Variants in PRKD3 observed in about 807,000 individuals in gnomAD.
The protein encoded by PRKD3 is protein kinase D3.
PRKD3 carries 47 observed loss-of-function variants against 99.2 expected under a neutral mutation model. That is an observed-to-expected ratio of 0.47 (90% CI 0.38 to 0.60). The LOEUF (loss-of-function observed/expected upper bound fraction) is 0.60, where lower values mean the gene tolerates loss of function less well. PRKD3 is among the 20% of genes least tolerant of loss of function. The probability of loss-of-function intolerance (pLI) is 0.00; values close to 1 mark genes in which losing one functional copy is unlikely to be tolerated. For missense variants in PRKD3, 1,019 were observed against 1,088.4 expected, an observed-to-expected ratio of 0.94 and a Z score of 0.90; for synonymous variants, 392 against 355.4, an observed-to-expected ratio of 1.10 and a Z score of -1.16.
At chr2:37,319,603 G>A (rs1671790695) in intron 1 of PRKD3, among the ~76,000 whole-genome samples, 2 of 152,116 alleles carry the variant, frequency 1.3e-5, no homozygotes, top group South Asian at 4.1e-4. Flanking sequence ...AATTCAAACT[G>A]CTAATATAAT....
chr2:37,261,891 T>G (rs527696867), intron 14 of PRKD3, among the ~76,000 whole-genome samples: 1 of 152,226 alleles, frequency 6.6e-6, no homozygotes, highest in Non-Finnish European at 1.5e-5. Context: ...AAAACGTATT[T>G]TGAATACCTG....
chr2:37,256,625 A>G, intron 17 of PRKD3, 37 bp downstream of exon 17: 1 of 1,339,332 alleles, frequency 7.5e-7, no homozygotes, highest in South Asian at 1.5e-5. Context: ...ACACATAGCC[A>G]AAATTTTTTT....
chr2:37,269,593 G>A (rs1453782745), intron 13 of PRKD3, 22 bp downstream of exon 13: 2 of 1,585,430 alleles, frequency 1.3e-6, no homozygotes, highest in Admixed American at 3.3e-5. Flanking sequence ...TGTACAATAT[G>A]CAAACGGCTG....
chr2:37,318,280 T>G (rs1296788619), intron 1 of PRKD3, among the ~76,000 whole-genome samples: 9 of 152,212 alleles, frequency 5.9e-5, no homozygotes. Context: ...TTCAAGTAAA[T>G]GATCATTATT....
Position 37,255,003 on chromosome 2 carries a change from T to C in PRKD3, c.2414-714A>G, listed in dbSNP as rs80094039. Among the ~76,000 whole-genome samples, 766 of 152,306 alleles carry C rather than the reference T, an allele frequency of 5.0e-3. 4 individuals are homozygous for C. The highest frequency in any genetic ancestry group is 6.6e-3 in the Admixed American group (101 of 15,302). ...GCCCTATATAATGGTACATTTGAAATATTGGTAACAAAAGGCTAGACCCAG... is the reference window on the plus strand; with the variant it reads ...GCCCTATATAATGGTACATTTGAAACATTGGTAACAAAAGGCTAGACCCAG... On this transcript the variant is annotated intron_variant, in intron 17 of 18. Transcript: ENST00000234179.
At chr2:37,300,683 A>G (rs1343504025) in intron 2 of PRKD3, among the ~76,000 whole-genome samples, 3 of 152,206 alleles carry the variant, frequency 2.0e-5, no homozygotes, top group Non-Finnish European at 4.4e-5. Flanking sequence ...AATAGAAATA[A>G]AAGAGATTAG....
At chr2:37,261,689 A>G (rs928288513) in intron 14 of PRKD3, among the ~76,000 whole-genome samples, 2 of 152,208 alleles carry the variant, frequency 1.3e-5, no homozygotes, top group Non-Finnish European at 1.5e-5. Flanking sequence ...CTGAGGCAGG[A>G]GAATTGCTTG....
intron 14 of PRKD3, among the ~76,000 whole-genome samples, chr2:37,261,374 C>G (rs1668431135): frequency 6.6e-6 from 1 of 152,146 alleles, no homozygotes; most frequent in Non-Finnish European, 1.5e-5. Context: ...GTAAACCCAG[C>G]TACTCGGGAG....
intron 5 of PRKD3, 127 bp downstream of exon 5, chr2:37,289,229 T>C: frequency 8.8e-7 from 1 of 1,141,176 alleles, no homozygotes; most frequent in South Asian, 1.8e-5. Context: ...CTACATTTTA[T>C]GTTTCTTAAG....
At chr2:37,305,951 G>A (rs569277402) in intron 2 of PRKD3, among the ~76,000 whole-genome samples, 1 of 152,062 alleles carries the variant, frequency 6.6e-6, no homozygotes, top group Non-Finnish European at 1.5e-5. Context: ...AGGGTCAGAA[G>A]TAACTTGAAA....
chr2:37,272,538 G>C (rs1209070797), intron 11 of PRKD3, 106 bp from the exon 12 acceptor site: 5 of 1,367,496 alleles, frequency 3.7e-6, no homozygotes, highest in Admixed American at 3.1e-5. Context: ...TTAGCACACA[G>C]TTAATACAAT....
chr2:37,257,800 A>T (rs1403972663), intron 16 of PRKD3, among the ~76,000 whole-genome samples: 1 of 152,108 alleles, frequency 6.6e-6, no homozygotes, highest in African/African-American at 2.4e-5. Context: ...ATTAAAGGTA[A>T]TTTTAAATGG....
chr2:37,277,594 G>A (rs780614458), intron 9 of PRKD3, among the ~76,000 whole-genome samples: 1 of 152,058 alleles, frequency 6.6e-6, no homozygotes, highest in South Asian at 2.1e-4. Context: ...GCTCCACTGT[G>A]TTTCGAGTTA....
At chr2:37,268,169 T>C (rs1373477054) in intron 13 of PRKD3, 4 of 365,924 alleles carry the variant, frequency 1.1e-5, no homozygotes, top group East Asian at 7.8e-5. Flanking sequence ...GTTCTTCAAA[T>C]ATGTATCTGA....
chr2:37,257,579 T>G (rs537789917), intron 16 of PRKD3, among the ~76,000 whole-genome samples: 1 of 142,282 alleles, frequency 7.0e-6, no homozygotes, highest in South Asian at 2.2e-4. Flanking sequence ...AGCAGGAGAA[T>G]GGCGTGAACC....
At chr2:37,258,329 T>C (rs1302160030) in intron 16 of PRKD3, among the ~76,000 whole-genome samples, 5 of 152,108 alleles carry the variant, frequency 3.3e-5, no homozygotes, top group African/African-American at 1.2e-4. Flanking sequence ...CTTTGAAGAG[T>C]ACGAATACTG....
chr2:37,293,281 A>G lies in PRKD3; in HGVS notation c.289-10T>C, dbSNP rs754209605. The stretch of plus-strand genomic sequence containing the variant: ...ATCCACACTCTGGAAACTGAGGGAT[A>G]ATAGTCCTATATCAGTATGACCACA... On this transcript the variant is annotated splice_polypyrimidine_tract_variant and intron_variant, in intron 2 of 18. Coordinates refer to ENST00000234179, the MANE Select transcript of PRKD3 (RefSeq NM_005813.6). 7 of 1,584,784 alleles carry G rather than the reference A, an allele frequency of 4.4e-6. No homozygotes were observed. Among genetic ancestry groups the G allele is most frequent in the Middle Eastern group, 1.7e-4 (1 of 5,962 alleles).
chr2:37,279,764 T>G lies in PRKD3; in HGVS notation c.1154A>C (p.Glu385Ala). 1.2e-6 allele frequency: 2 copies of G among 1,613,098 alleles called. No homozygotes were observed. Among genetic ancestry groups the G allele is most frequent in the Non-Finnish European group, 1.7e-6 (2 of 1,179,686 alleles). ...PSDLDVERDE[E>A]AVKTISPSTS... is the part of the protein sequence containing the mutation. ...ATATTACCTGATTGTTTTAACGGCT[T>G]CTTCATCTCTTTCCACATCGAGATC... The change falls in exon 8 of 19, where the codon GAA becomes GCA. Residue 385 changes from glutamate to alanine, a missense_variant. Transcript: ENST00000234179.
At position 37,317,006 on chromosome 2, in the gene PRKD3, ACACCTTCTCAAATGTCCACACCTTAAAT is replaced by A. The variant is rs1671696887; in HGVS notation, c.-510_-483del. 2.0e-6 allele frequency: 2 copies of A among 986,946 alleles called. No homozygotes were observed. Among genetic ancestry groups the A allele is most frequent in the Admixed American group, 6.1e-5 (1 of 16,484 alleles). The allele number at this position is 986,946 out of a possible 1,614,324, so 61.1% of individuals were successfully genotyped here. ...TCCTTTGGTTTACTAATTTGATAGG[ACACCTTCTCAAATGTCCACACCTTAAAT>A]CACCTTCTCAAATGTCCTCATTTTC... On this transcript the variant is annotated 5_prime_UTR_variant, in exon 2 of 19. The change abolishes the stop of an existing upstream ORF in the 5' untranslated region. Coordinates refer to ENST00000234179, the MANE Select transcript of PRKD3 (RefSeq NM_005813.6).
Sources: allele counts gnomAD v4.1 joint callset (sites outside exome capture counted in the v4.1 genomes callset), GRCh38; gene constraint gnomAD v4.1.1; transcripts MANE v1.5; gene names NCBI Gene and HGNC (gene_info 2026-07-23, HGNC 2026-07-21).